The following AP3D1 variants were observed in gnomAD, a reference collection of about 807,000 sequenced individuals.
The protein encoded by AP3D1 is adaptor related protein complex 3 subunit delta 1, also known as AP-3 complex subunit delta-1.
AP3D1 carries 51 observed loss-of-function variants against 147.6 expected under a neutral mutation model. That is an observed-to-expected ratio of 0.35 (90% confidence interval 0.28 to 0.44). The LOEUF (loss-of-function observed/expected upper bound fraction) is 0.44. Among genes scored for constraint, AP3D1 ranks in the 20% least tolerant of loss-of-function variants. AP3D1 has a pLI of 1.00. For synonymous variants in AP3D1, 760 were observed against 663.0 expected (o/e 1.15, Z -2.25); for missense variants, 1,421 against 1,624.2 (o/e 0.87, Z 2.15).
chr19:2,116,555 G>A lies in AP3D1; in HGVS notation c.2001+50C>T, dbSNP rs1293323121. The A allele has an allele frequency of 2.7e-5, 40 of 1,509,216 alleles. 1 individual carries two copies. Among genetic ancestry groups the A allele is most frequent in the Non-Finnish European group, 3.4e-5 (38 of 1,131,614 alleles). The allele number at this position is 1,509,216 out of a possible 1,614,324, so 93.5% of individuals were successfully genotyped here. On this transcript the variant is annotated intron_variant, in intron 17 of 31. Coordinates refer to ENST00000643116, the MANE Select transcript of AP3D1 (RefSeq NM_001261826.3). ...CGCTGACCTGCCTCAAAGACTCCCT[G>A]GGACAGGAGGGAGGAGACGAGGGCT...
At chr19:2,143,191 G>C (rs2019266321) in intron 1 of AP3D1, among the ~76,000 whole-genome samples, 1 of 148,998 alleles carries the variant, frequency 6.7e-6, no homozygotes, top group South Asian at 2.1e-4. Flanking sequence ...AGCTTTCCAA[G>C]CAGCTAGGAC....
At chr19:2,107,872 G>A (rs899225647) in intron 31 of AP3D1, among the ~76,000 whole-genome samples, 1 of 152,116 alleles carries the variant, frequency 6.6e-6, no homozygotes, top group Non-Finnish European at 1.5e-5. Context: ...AATACGGCAC[G>A]CACCGCCACG....
chr19:2,104,743 C>T (rs1420090776), intron 31 of AP3D1, among the ~76,000 whole-genome samples: 2 of 151,276 alleles, frequency 1.3e-5, no homozygotes, highest in African/African-American at 2.4e-5. Context: ...CAGGGCTCAC[C>T]GTAGCCTTAA....
chr19:2,138,348 T>C (rs2019131131), intron 2 of AP3D1, among the ~76,000 whole-genome samples: 1 of 152,022 alleles, frequency 6.6e-6, no homozygotes, highest in South Asian at 2.1e-4. Context: ...GCGAGGGGCG[T>C]CCCCAGTGAA....
At chr19:2,156,452 C>A (rs1477144301), upstream of AP3D1, among the ~76,000 whole-genome samples, 2 of 151,968 alleles carry the variant, frequency 1.3e-5, no homozygotes, top group Non-Finnish European at 2.9e-5. Context: ...TCCATCTATC[C>A]ATCCACCTAC....
chr19:2,132,364 G>A (rs1245588639), intron 5 of AP3D1, 107 bp downstream of exon 5: 3 of 1,019,454 alleles, frequency 2.9e-6, no homozygotes, highest in Non-Finnish European at 4.4e-6. Flanking sequence ...CCACGCACCG[G>A]GGACCCCGGC....
intron 10 of AP3D1, 21 bp from the exon 11 acceptor site, chr19:2,123,427 AT>A (rs780931221): frequency 6.2e-7 from 1 of 1,613,556 alleles, no homozygotes; most frequent in East Asian, 2.2e-5. Flanking sequence ...GAAAAAAACG[AT>A]GCTGGTTACA....
rs2018336418 is a variant in AP3D1 at position 2,113,186 on chromosome 19, AC to A, written c.2679+149del. The A allele has an allele frequency of 6.4e-6, 4 of 629,908 alleles. No homozygotes were observed. The East Asian group carries it at 8.6e-5, about 13-fold the overall frequency. The allele number at this position is 629,908 out of a possible 1,614,324, so 39.0% of individuals were successfully genotyped here. A position where few individuals can be genotyped will look rare whatever the true frequency, so the allele number is the denominator to read the frequency against. On this transcript the variant is annotated intron_variant, in intron 23 of 31. Coordinates refer to ENST00000643116, the MANE Select transcript of AP3D1 (RefSeq NM_001261826.3). ...TGGCCCACTGGGACCCGGGAGCATG[AC>A]CCCGGCTCCACTCAGTGCTGGGTCC...
At chr19:2,116,521 C>G in intron 17 of AP3D1, 84 bp downstream of exon 17, 6 of 1,453,198 alleles carry the variant, frequency 4.1e-6, no homozygotes, top group Non-Finnish European at 5.4e-6. Context: ...GGCCAGGACC[C>G]ACAGAGGCCG....
chr19:2,163,725 G>A (rs1191596498), intron 1 of AP3D1, among the ~76,000 whole-genome samples: 1 of 151,934 alleles, frequency 6.6e-6, no homozygotes, highest in Non-Finnish European at 1.5e-5. Context: ...GCCGGCGAGT[G>A]GGGGAAGGGG....
intron 1 of AP3D1, among the ~76,000 whole-genome samples, chr19:2,158,608 CTTTT>C (rs1210998373): frequency 7.0e-6 from 1 of 143,756 alleles, no homozygotes; most frequent in Non-Finnish European, 1.5e-5. Context: ...GATCCCAGCT[CTTTT>C]TTTTTTTTTT....
At position 2,121,105 on chromosome 19, in the gene AP3D1, G is replaced by A. The variant is rs898205365; in HGVS notation, c.1251-13C>T. 18 of 1,613,584 alleles carry A rather than the reference G, an allele frequency of 1.1e-5. No individual in the cohort carries two copies. The highest frequency in any genetic ancestry group is 1.5e-5 in the Non-Finnish European group (18 of 1,179,792). On this transcript the variant is annotated splice_polypyrimidine_tract_variant and intron_variant, in intron 13 of 31. Transcript: ENST00000643116. The stretch of plus-strand genomic sequence containing the variant: ...GATGCTGATGTACCTGTGGGGCAGA[G>A]GCGGTGAGTGAGCGGCGCCACGGAA...
chr19:2,163,690 G>C (rs1024288008), intron 1 of AP3D1, among the ~76,000 whole-genome samples: 2 of 151,992 alleles, frequency 1.3e-5, no homozygotes, highest in African/African-American at 4.8e-5. Context: ...CCCGCCCACA[G>C]GGTCTCCCCG....
At chr19:2,110,262 C>CG in intron 27 of AP3D1, 38 bp from the exon 28 acceptor site, 1 of 1,580,514 alleles carries the variant, frequency 6.3e-7, no homozygotes, top group South Asian at 1.1e-5. Context: ...TGAGACGCTG[C>CG]GGGGGCTCAG....
chr19:2,103,598 G>A (rs1207957650), intron 31 of AP3D1, among the ~76,000 whole-genome samples: 2 of 152,176 alleles, frequency 1.3e-5, no homozygotes, highest in Non-Finnish European at 2.9e-5. Context: ...GAGTCCAGAG[G>A]CCGCTGCCGG....
intron 1 of AP3D1, among the ~76,000 whole-genome samples, chr19:2,160,563 G>T (rs962969160): frequency 1.3e-5 from 2 of 151,986 alleles, no homozygotes; most frequent in African/African-American, 4.8e-5. Context: ...CGGAGATACA[G>T]GTTGCCACAC....
At chr19:2,148,452 G>T (rs760905317) in intron 1 of AP3D1, among the ~76,000 whole-genome samples, 7 of 152,328 alleles carry the variant, frequency 4.6e-5, no homozygotes, top group South Asian at 4.1e-4. Flanking sequence ...CTGCACTCTG[G>T]TCTCTTCTAG....
chr19:2,115,445 C>T, intron 19 of AP3D1, 27 bp from the exon 20 acceptor site: 1 of 1,608,390 alleles, frequency 6.2e-7, no homozygotes, highest in Non-Finnish European at 8.5e-7. Flanking sequence ...GGCAGCCACT[C>T]AGCACTGCAC....
chr19:2,115,855 G>A (rs1177888784), intron 18 of AP3D1, among the ~76,000 whole-genome samples: 3 of 152,266 alleles, frequency 2.0e-5, no homozygotes, highest in Non-Finnish European at 2.9e-5. Flanking sequence ...GCAGAGAGAA[G>A]CAAATCCTCG....
Sources: gnomAD v4.1 joint callset for allele counts (sites outside exome capture counted in the v4.1 genomes callset) on GRCh38, gnomAD v4.1.1 for gene constraint, MANE v1.5 for transcripts, NCBI Gene and HGNC (gene_info 2026-07-23, HGNC 2026-07-21) for gene names.